OAT: variants seen among roughly 807,000 people sequenced by gnomAD.
OAT encodes ornithine aminotransferase, mitochondrial.
In OAT, 35 loss-of-function variants were observed where a neutral mutation model predicts 48.4. That is an observed-to-expected ratio of 0.72 (90% CI 0.55 to 0.96). The LOEUF (loss-of-function observed/expected upper bound fraction) is 0.96. Among genes scored for constraint, OAT ranks in the 40% least tolerant of loss-of-function variants. The pLI, the probability that OAT is intolerant of heterozygous loss-of-function variation, is 0.00. For synonymous variants in OAT, 182 were observed against 198.4 expected (o/e 0.92, Z 0.70); for missense variants, 438 against 537.9 (o/e 0.81, Z 1.84).
intron 4 of OAT, among the ~76,000 whole-genome samples, chr10:124,408,307 G>GTA (rs1951642876): frequency 3.8e-5 from 2 of 52,590 alleles, no homozygotes; most frequent in East Asian, 6.5e-4. Context: ...GTGTGTGTGT[G>GTA]TGTGTGTGTG....
chr10:124,416,644 A>G (rs1951926828), intron 1 of OAT, among the ~76,000 whole-genome samples: 1 of 152,198 alleles, frequency 6.6e-6, no homozygotes, highest in African/African-American at 2.4e-5. Flanking sequence ...TAGCCCATCC[A>G]TCTACATTAG....
intron 1 of OAT, 37 bp from the exon 2 acceptor site, chr10:124,412,237 T>G: frequency 0.016 from 14,628 of 911,536 alleles, no homozygotes; most frequent in Non-Finnish European, 0.023. Flanking sequence ...AGAGTGAGAA[T>G]CCTTGGCTTA....
chr10:124,403,786 TA>T lies in OAT; in HGVS notation c.771+11del. ...GACATTCAGCCTTATCACAAACAGC[TA>T]ACGTGACAACCTGGTGCCTGGTGCA... On this transcript the variant is annotated intron_variant, in intron 6 of 9. Transcript: ENST00000368845. 6.2e-7 allele frequency: 1 copy of T among 1,614,048 alleles called. No homozygotes were observed. The highest frequency in any genetic ancestry group is 8.5e-7 in the Non-Finnish European group (1 of 1,179,938).
At chr10:124,413,821 C>T (rs768249372) in intron 1 of OAT, among the ~76,000 whole-genome samples, 4 of 151,942 alleles carry the variant, frequency 2.6e-5, no homozygotes, top group Admixed American at 2.0e-4. Flanking sequence ...TGGTGTTTAC[C>T]CTGCCGCCCC....
intron 2 of OAT, 119 bp downstream of exon 2, chr10:124,411,854 T>A: frequency 1.2e-6 from 1 of 814,914 alleles, no homozygotes; most frequent in Non-Finnish European, 2.0e-6. Context: ...GAATTAACCA[T>A]GTCTGCAATA....
At chr10:124,402,896 G>A in intron 7 of OAT, 31 bp downstream of exon 7, 1 of 1,612,122 alleles carries the variant, frequency 6.2e-7, no homozygotes, top group Non-Finnish European at 8.5e-7. Flanking sequence ...ACAAGAGTAG[G>A]AAATGGAAAG....
rs777264135 is a variant in OAT, at chr10:124,412,069, G to C, written c.103C>G (p.Gln35Glu). Residue 35 changes from glutamine to glutamate, a missense_variant, in exon 2 of 10, where the codon CAA (glutamine) becomes GAA (glutamate). By Grantham distance (29) the Gln-to-Glu change is conservative. Transcript: ENST00000368845. The stretch of plus-strand genomic sequence containing the variant: ...ATGTCATCAGAGGTTGGAGGGCCTT[G>C]GACTGTTTTTTTAGTTGCAACAGAT... The part of the protein sequence containing the change: ...ATSVATKKTV[Q>E]GPPTSDDIFE... 6.2e-7 allele frequency: 1 copy of C among 1,614,056 alleles called. No individual in the cohort carries two copies. The highest frequency in any genetic ancestry group is 1.3e-5 in the African/African-American group (1 of 74,914).
intron 2 of OAT, among the ~76,000 whole-genome samples, chr10:124,411,150 A>AAAAAAT (rs1951734964): frequency 6.8e-6 from 1 of 146,304 alleles, no homozygotes; most frequent in East Asian, 2.0e-4. Context: ...AAAAAAAAAA[A>AAAAAAT]AAAAAAAAAA....
At chr10:124,407,830 A>T (rs2134472490) in intron 4 of OAT, among the ~76,000 whole-genome samples, 1 of 152,292 alleles carries the variant, frequency 6.6e-6, no homozygotes, top group African/African-American at 2.4e-5. Context: ...TAGTCTCCCT[A>T]ACCAAAATTC....
chr10:124,403,650 T>G (rs752678668), intron 6 of OAT, 148 bp downstream of exon 6: 2 of 1,114,526 alleles, frequency 1.8e-6, no homozygotes, highest in Non-Finnish European at 2.6e-6. Context: ...GCTCTTAGAA[T>G]GCCATCGCCC....
At chr10:124,399,040 AAAAT>A (rs1205166889) in intron 9 of OAT, among the ~76,000 whole-genome samples, 7 of 149,296 alleles carry the variant, frequency 4.7e-5, no homozygotes, top group Non-Finnish European at 9.1e-5. Flanking sequence ...CTCAAAAAAT[AAAAT>A]AAATAAAATA....
At position 124,405,427 on chromosome 10, in the gene OAT, G is replaced by A; in HGVS notation, c.648+9C>T. The A allele has an allele frequency of 6.2e-7, 1 of 1,613,326 alleles. No individual in the cohort carries two copies. Among genetic ancestry groups the A allele is most frequent in the Non-Finnish European group, 8.5e-7 (1 of 1,179,336 alleles). ...CAATGAGCTGAGCACTATGATGCTA[G>A]TGAAATACCTCCAGTGCGGGCAGAT... On this transcript the variant is annotated intron_variant, in intron 5 of 9. Coordinates refer to ENST00000368845, the MANE Select transcript of OAT (RefSeq NM_000274.4).
rs976509690 is a variant in OAT at position 124,407,196 on chromosome 10, G to A, written c.520+1346C>T. The A allele has an allele frequency of 2.6e-5, 26 of 985,284 alleles. No homozygotes were observed. The African/African-American group carries it at 4.2e-4, about 16-fold the overall frequency. 61.0% of individuals were successfully genotyped at this position (985,284 alleles called of 1,614,324 possible). A position where few individuals can be genotyped will look rare whatever the true frequency, so the allele number is the denominator to read the frequency against. On this transcript the variant is annotated intron_variant, in intron 4 of 9. Transcript: ENST00000368845. The stretch of plus-strand genomic sequence containing the variant: ...TAGCACATTGATTTTGACTAGGTTT[G>A]TTTAAGAAGAAATGCACTGATTAGA...
At position 124,403,786 on chromosome 10, in the gene OAT, T is replaced by C. The variant is rs1218968164; in HGVS notation, c.771+12A>G. 2 of 1,613,930 alleles carry C rather than the reference T, an allele frequency of 1.2e-6. No homozygotes were observed. Among genetic ancestry groups the C allele is most frequent in the African/African-American group, 2.7e-5 (2 of 74,920 alleles). On this transcript the variant is annotated intron_variant, in intron 6 of 9. Coordinates refer to ENST00000368845, the MANE Select transcript of OAT (RefSeq NM_000274.4). ...GACATTCAGCCTTATCACAAACAGC[T>C]AACGTGACAACCTGGTGCCTGGTGC...
In OAT at chr10:124,408,818, T is replaced by G; in HGVS notation, c.347A>C (p.Tyr116Ser). ...CTCATATTCACCAAGTACGTTATTA[T>G]AGAAAGCTCTAGATGTTAAGGTCAA... ...DKLTLTSRAF[Y>S]NNVLGEYEEY... The change falls in exon 3 of 10, where the codon TAT (tyrosine) becomes TCT (serine). Residue 116 changes from tyrosine (Y) to serine (S), a missense_variant. Coordinates refer to ENST00000368845, the MANE Select transcript of OAT (RefSeq NM_000274.4). 2 of 1,612,628 alleles carry G rather than the reference T, an allele frequency of 1.2e-6. No homozygotes were observed. The highest frequency in any genetic ancestry group is 1.7e-6 in the Non-Finnish European group (2 of 1,179,886).
intron 6 of OAT, among the ~76,000 whole-genome samples, 189 bp downstream of exon 6, chr10:124,403,609 T>C (rs952278906): frequency 6.6e-6 from 1 of 152,220 alleles, no homozygotes; most frequent in African/African-American, 2.4e-5. Flanking sequence ...TCTGCTTCTG[T>C]GCAGGTTTCT....
rs1372030784 is a variant in OAT, at chr10:124,400,968, T to G, written c.1031A>C (p.Asn344Thr). The change falls in exon 9 of 10, where the codon AAC (asparagine) becomes ACC (threonine). Residue 344 changes from asparagine (N) to threonine (T), a missense_variant. Coordinates refer to ENST00000368845, the MANE Select transcript of OAT (RefSeq NM_000274.4). ...IAALEVLEEE[N>T]LAENADKLGI... is the part of the protein sequence containing the mutation. ...CAATTTGTCTGCATTTTCAGCAAGG[T>G]TTTCTTCTTCTAAAACCTACGTTTA... The G allele has an allele frequency of 1.2e-5, 20 of 1,611,592 alleles. No individual in the cohort carries two copies. The highest frequency in any genetic ancestry group is 1.7e-5 in the Non-Finnish European group (20 of 1,178,756).
At chr10:124,398,416 G>C (rs1432375737) in intron 9 of OAT, among the ~76,000 whole-genome samples, 5 of 152,004 alleles carry the variant, frequency 3.3e-5, no homozygotes, top group Non-Finnish European at 5.9e-5. Context: ...ACTGAGGCAG[G>C]AGAATCGCTT....
intron 4 of OAT, among the ~76,000 whole-genome samples, chr10:124,407,875 C>G (rs1249662905): frequency 2.6e-5 from 4 of 152,156 alleles, no homozygotes; most frequent in East Asian, 3.8e-4. Context: ...AGAAACCTAA[C>G]AAGGGCAACT....
Sources: gnomAD v4.1 joint callset for allele counts (sites outside exome capture counted in the v4.1 genomes callset) on GRCh38, gnomAD v4.1.1 for gene constraint, MANE v1.5 for transcripts, NCBI Gene and HGNC (gene_info 2026-07-23, HGNC 2026-07-21) for gene names.